LIN7A: variants seen among roughly 807,000 people sequenced by gnomAD.
LIN7A encodes lin-7 cell polarity scaffold A, also known as protein lin-7 homolog A.
In LIN7A, 25 loss-of-function variants were observed where a neutral mutation model predicts 29.8. That is an observed-to-expected ratio of 0.84 (90% CI 0.61 to 1.17). The LOEUF (loss-of-function observed/expected upper bound fraction) is 1.17, where lower values mean the gene tolerates loss of function less well. LIN7A is among the 50% of genes most tolerant of loss of function. LIN7A has a pLI of 0.00. For missense variants in LIN7A, 239 were observed against 287.0 expected (o/e 0.83, Z 1.21); for synonymous variants, 118 against 107.5 (o/e 1.10, Z -0.60).
At chr12:80,900,194 T>C (rs1876138334) in intron 1 of LIN7A, among the ~76,000 whole-genome samples, 2 of 152,134 alleles carry the variant, frequency 1.3e-5, no homozygotes, top group Non-Finnish European at 2.9e-5. Flanking sequence ...CTTTCTATCT[T>C]ATTCTTTCAA....
At chr12:80,825,388 A>T (rs1872014638) in intron 4 of LIN7A, among the ~76,000 whole-genome samples, 1 of 152,218 alleles carries the variant, frequency 6.6e-6, no homozygotes, top group South Asian at 2.1e-4. Context: ...TTAAAATGTG[A>T]AACTAGCTTA....
intron 1 of LIN7A, among the ~76,000 whole-genome samples, chr12:80,911,538 C>T (rs563219940): frequency 6.6e-6 from 1 of 152,194 alleles, no homozygotes; most frequent in South Asian, 2.1e-4. Context: ...GACCAAATAA[C>T]ATAGTATTTC....
At chr12:80,882,284 A>ATTTTTTTTTTTTTTTTTTTT (rs1463134808) in intron 2 of LIN7A, among the ~76,000 whole-genome samples, 1 of 71,988 alleles carries the variant, frequency 1.4e-5, no homozygotes, top group Non-Finnish European at 5.2e-5. Flanking sequence ...TTTTTCTTTC[A>ATTTTTTTTTTTTTTTTTTTT]TTCTTTTTTT....
chr12:80,881,315 T>C (rs898046291), intron 2 of LIN7A, among the ~76,000 whole-genome samples: 3 of 152,148 alleles, frequency 2.0e-5, no homozygotes, highest in African/African-American at 7.2e-5. Flanking sequence ...AAAGGAAATG[T>C]AGGAGCCATC....
intron 1 of LIN7A, among the ~76,000 whole-genome samples, chr12:80,906,655 C>A (rs998767296): frequency 1.3e-5 from 2 of 151,934 alleles, no homozygotes; most frequent in Non-Finnish European, 1.5e-5. Context: ...ACATTAGACA[C>A]CATGGCCTTC....
chr12:80,902,288 A>G (rs1483541628), intron 1 of LIN7A, among the ~76,000 whole-genome samples: 1 of 147,774 alleles, frequency 6.8e-6, no homozygotes, highest in Non-Finnish European at 1.5e-5. Flanking sequence ...GTTCAAAGTC[A>G]GGTAGTGTGA....
In LIN7A at chr12:80,832,594, C is replaced by T. The variant is rs753975088; in HGVS notation, c.483+13136G>A. 3 of 468,162 alleles carry T rather than the reference C, an allele frequency of 6.4e-6. No homozygotes were observed. The East Asian group carries it at 2.0e-4, about 31-fold the overall frequency. 29.0% of individuals were successfully genotyped at this position (468,162 alleles called of 1,614,324 possible). A position where few individuals can be genotyped will look rare whatever the true frequency, so the allele number is the denominator to read the frequency against. Reference sequence around the variant, plus strand: ...ACCATTTGAAGGTGGTAGGAAATGGCCACCTTCAAATGGGAAGTCTAGGCT... The same window carrying T: ...ACCATTTGAAGGTGGTAGGAAATGGTCACCTTCAAATGGGAAGTCTAGGCT... On this transcript the variant is annotated intron_variant, in intron 4 of 5. Transcript: ENST00000552864.
chr12:80,801,208 G>A (rs1239045101), intron 5 of LIN7A, among the ~76,000 whole-genome samples: 1 of 152,044 alleles, frequency 6.6e-6, no homozygotes, highest in Admixed American at 6.6e-5. Flanking sequence ...TAAAAATTTT[G>A]CAATGAAAAA....
intron 1 of LIN7A, among the ~76,000 whole-genome samples, chr12:80,916,695 T>C (rs936487929): frequency 6.6e-6 from 1 of 152,140 alleles, no homozygotes; most frequent in Admixed American, 6.5e-5. Flanking sequence ...CAAAAGAGCA[T>C]ACAGGTGCTT....
chr12:80,905,143 T>C (rs1048550923), intron 1 of LIN7A, among the ~76,000 whole-genome samples: 2 of 152,052 alleles, frequency 1.3e-5, no homozygotes, highest in Non-Finnish European at 2.9e-5. Flanking sequence ...TTAATTTTGA[T>C]ATCTTCTTTA....
chr12:80,911,398 T>C (rs988149253), intron 1 of LIN7A, among the ~76,000 whole-genome samples: 11 of 151,308 alleles, frequency 7.3e-5, no homozygotes, highest in East Asian at 5.9e-4. Flanking sequence ...TACAGGTACA[T>C]GCCACTGGGT....
intron 2 of LIN7A, among the ~76,000 whole-genome samples, chr12:80,863,678 C>A (rs891598810): frequency 1.3e-5 from 2 of 152,102 alleles, no homozygotes; most frequent in Admixed American, 1.3e-4. Context: ...TATGATGTGG[C>A]ATTTTGACAT....
chr12:80,869,669 A>T (rs2120483764), intron 2 of LIN7A, among the ~76,000 whole-genome samples: 1 of 152,338 alleles, frequency 6.6e-6, no homozygotes, highest in East Asian at 1.9e-4. Context: ...ATAGATGTCC[A>T]AAAATAGTAT....
chr12:80,863,078 A>G (rs1328054747), intron 2 of LIN7A, among the ~76,000 whole-genome samples: 1 of 152,240 alleles, frequency 6.6e-6, no homozygotes, highest in East Asian at 1.9e-4. Flanking sequence ...TCAAGACTAT[A>G]AAACAATCAC....
At chr12:80,879,505 T>TA (rs894206617) in intron 2 of LIN7A, among the ~76,000 whole-genome samples, 2 of 151,730 alleles carry the variant, frequency 1.3e-5, no homozygotes, top group Admixed American at 1.3e-4. Flanking sequence ...CCAAATCATA[T>TA]AAAAAAAGAA....
At chr12:80,907,080 T>TGTGTGTGC (rs1300021154) in intron 1 of LIN7A, among the ~76,000 whole-genome samples, 11 of 151,536 alleles carry the variant, frequency 7.3e-5, no homozygotes, top group Non-Finnish European at 1.0e-4. Context: ...TGTGTGTGTG[T>TGTGTGTGC]GTGTGTGTGT....
chr12:80,847,811 T>C (rs371153496), intron 3 of LIN7A, among the ~76,000 whole-genome samples: 3 of 152,164 alleles, frequency 2.0e-5, no homozygotes, highest in South Asian at 2.1e-4. Flanking sequence ...TACCCACTGC[T>C]CAGCTGAATA....
chr12:80,859,661 T>C (rs982022122), intron 2 of LIN7A, among the ~76,000 whole-genome samples: 1 of 152,148 alleles, frequency 6.6e-6, no homozygotes, highest in African/African-American at 2.4e-5. Flanking sequence ...CATATACTCC[T>C]TTTTAAATGG....
At chr12:80,891,135 G>C (rs1875604389) in intron 1 of LIN7A, among the ~76,000 whole-genome samples, 1 of 152,134 alleles carries the variant, frequency 6.6e-6, no homozygotes, top group Non-Finnish European at 1.5e-5. Context: ...CTTTTGTAAA[G>C]AGCCCTATCA....
Sources: gnomAD v4.1 joint callset for allele counts (sites outside exome capture counted in the v4.1 genomes callset) on GRCh38, gnomAD v4.1.1 for gene constraint, MANE v1.5 for transcripts, NCBI Gene and HGNC (gene_info 2026-07-23, HGNC 2026-07-21) for gene names.